MAP7: variants seen among roughly 807,000 people sequenced by gnomAD.
MAP7 encodes the protein microtubule associated protein 7, also known as ensconsin.
Under a neutral mutation model 94.8 loss-of-function variants are expected in MAP7, and 52 were observed. The ratio of observed to expected loss-of-function variants is 0.55; its 90% CI spans 0.44 to 0.69. The LOEUF is 0.69. Among genes scored for constraint, MAP7 ranks in the 30% least tolerant of loss-of-function variants. MAP7 has a pLI of 0.00. For synonymous variants in MAP7, 350 were observed against 357.0 expected (o/e 0.98, Z 0.22); for missense variants, 940 against 964.6 (o/e 0.97, Z 0.34).
chr6:136,537,754 G>A (rs564660403), intron 1 of MAP7, among the ~76,000 whole-genome samples: 101 of 152,082 alleles, frequency 6.6e-4, no homozygotes, highest in African/African-American at 2.3e-3. Flanking sequence ...CCCATCTGAG[G>A]AAATGACATA....
intron 16 of MAP7, among the ~76,000 whole-genome samples, chr6:136,348,094 T>C (rs1170888629): frequency 1.3e-5 from 2 of 150,228 alleles, no homozygotes; most frequent in Non-Finnish European, 3.0e-5. Context: ...CATCTTCCTG[T>C]TCTTGCCTAA....
At chr6:136,415,703 C>G (rs891119363) in intron 2 of MAP7, among the ~76,000 whole-genome samples, 4 of 152,226 alleles carry the variant, frequency 2.6e-5, no homozygotes, top group African/African-American at 7.2e-5. Context: ...ATGTAACAAA[C>G]TGCGTCCTGT....
At position 136,421,747 on chromosome 6, in the gene MAP7, G is replaced by C. The variant is rs1231438274; in HGVS notation, c.120C>G (p.Ala40=). 1.2e-6 allele frequency: 2 copies of C among 1,613,956 alleles called. No homozygotes were observed. The highest frequency in any genetic ancestry group is 1.7e-6 in the Non-Finnish European group (2 of 1,180,004). The change falls in exon 2 of 18, where the codon GCC becomes GCG. Residue 40 remains alanine (A), a synonymous_variant. Coordinates refer to ENST00000354570, the MANE Select transcript of MAP7 (RefSeq NM_003980.6). The stretch of plus-strand genomic sequence containing the variant: ...TGTTATTTTGTCCTGAAATTGCAGA[G>C]GCAGGGCGGCTGGAGGCATTTTTCT... ...QDKKNASSRP[A]SAISGQNNNH...
At chr6:136,467,452 A>G (rs917986177) in intron 1 of MAP7, among the ~76,000 whole-genome samples, 2 of 152,212 alleles carry the variant, frequency 1.3e-5, no homozygotes, top group African/African-American at 4.8e-5. Flanking sequence ...AGAAAGTCCA[A>G]AAACTTGACT....
intron 1 of MAP7, among the ~76,000 whole-genome samples, chr6:136,466,371 G>A (rs561374054): frequency 1.3e-5 from 2 of 151,704 alleles, no homozygotes; most frequent in East Asian, 3.9e-4. Context: ...AATTTTTTTT[G>A]GACAGCAGCA....
At chr6:136,441,537 T>C (rs1001122197) in intron 1 of MAP7, among the ~76,000 whole-genome samples, 1 of 152,236 alleles carries the variant, frequency 6.6e-6, no homozygotes, top group Non-Finnish European at 1.5e-5. Context: ...TTTCAGCATA[T>C]AGGTAGCTAT....
At chr6:136,492,855 A>G (rs1817031934) in intron 1 of MAP7, among the ~76,000 whole-genome samples, 1 of 152,150 alleles carries the variant, frequency 6.6e-6, no homozygotes, top group Admixed American at 6.6e-5. Context: ...TAAATAAAGT[A>G]CTTAATGTCT....
At chr6:136,366,613 G>A (rs1794395611) in intron 8 of MAP7, among the ~76,000 whole-genome samples, 174 bp from the exon 9 acceptor site, 1 of 152,182 alleles carries the variant, frequency 6.6e-6, no homozygotes, top group Non-Finnish European at 1.5e-5. Flanking sequence ...ACACTGAACA[G>A]TATAACTGAA....
chr6:136,348,736 A>G (rs892264353), intron 16 of MAP7, among the ~76,000 whole-genome samples: 10 of 152,212 alleles, frequency 6.6e-5, no homozygotes, highest in African/African-American at 2.4e-4. Flanking sequence ...TCCTGTGTGA[A>G]CAATAGGGGC....
At chr6:136,532,886 C>T (rs1305575318) in intron 1 of MAP7, among the ~76,000 whole-genome samples, 1 of 152,228 alleles carries the variant, frequency 6.6e-6, no homozygotes, top group Non-Finnish European at 1.5e-5. Context: ...ATCACAGAAA[C>T]AACTGAACCT....
chr6:136,354,490 A>G (rs1349678843), intron 16 of MAP7, among the ~76,000 whole-genome samples: 2 of 147,376 alleles, frequency 1.4e-5, no homozygotes, highest in Non-Finnish European at 3.0e-5. Flanking sequence ...ATATACATAT[A>G]TATATTTCCT....
chr6:136,530,145 TCCC>T (rs1828361297), intron 1 of MAP7, among the ~76,000 whole-genome samples: 1 of 152,080 alleles, frequency 6.6e-6, no homozygotes, highest in Non-Finnish European at 1.5e-5. Context: ...ACCTAAAATT[TCCC>T]TTTCTAAAAG....
At chr6:136,477,321 C>G (rs2128954702) in intron 1 of MAP7, among the ~76,000 whole-genome samples, 1 of 152,260 alleles carries the variant, frequency 6.6e-6, no homozygotes, top group South Asian at 2.1e-4. Flanking sequence ...AAACAACTGC[C>G]CTTGAATGCT....
intron 1 of MAP7, among the ~76,000 whole-genome samples, chr6:136,442,471 T>C (rs910270211): frequency 3.3e-5 from 5 of 152,002 alleles, no homozygotes; most frequent in African/African-American, 1.2e-4. Flanking sequence ...TCAAAGCCCT[T>C]CTGTTTAAAA....
rs911079633 is a variant in MAP7, at chr6:136,369,451, G to A, written c.877-3012C>T. On this transcript the variant is annotated intron_variant, in intron 8 of 17. Coordinates refer to ENST00000354570, the MANE Select transcript of MAP7 (RefSeq NM_003980.6). ...TAGATGGGCGTGGTAGCACATGCCT[G>A]TATTCCCAGCTACTCAGAAGGCTGG... Among the ~76,000 whole-genome samples the A allele has an allele frequency of 6.6e-5, 10 of 152,088 alleles. No homozygotes were observed. The South Asian group carries it at 2.1e-3, about 32-fold the overall frequency.
chr6:136,389,592 C>T (rs1268169465), intron 3 of MAP7, 75 bp from the exon 4 acceptor site: 3 of 1,392,388 alleles, frequency 2.2e-6, no homozygotes, highest in Non-Finnish European at 3.0e-6. Context: ...ATAGTTAGGG[C>T]TGTATTAAGT....
intron 1 of MAP7, among the ~76,000 whole-genome samples, chr6:136,546,002 T>C (rs184003709): frequency 6.6e-6 from 1 of 152,188 alleles, no homozygotes; most frequent in African/African-American, 2.4e-5. Flanking sequence ...TTTGTTACTA[T>C]TCTTATTCTT....
intron 3 of MAP7, among the ~76,000 whole-genome samples, chr6:136,393,634 GTATC>G (rs1781418865): frequency 1.3e-5 from 2 of 151,874 alleles, no homozygotes; most frequent in African/African-American, 2.4e-5. Flanking sequence ...TTCTATCTAT[GTATC>G]TATCTATTTA....
chr6:136,496,832 T>C (rs1375387626), intron 1 of MAP7, among the ~76,000 whole-genome samples: 1 of 147,786 alleles, frequency 6.8e-6, no homozygotes, highest in Non-Finnish European at 1.5e-5. Flanking sequence ...CACATGCCTG[T>C]AATTCCAGCT....
Sources: allele counts gnomAD v4.1 joint callset (sites outside exome capture counted in the v4.1 genomes callset), GRCh38; gene constraint gnomAD v4.1.1; transcripts MANE v1.5; gene names NCBI Gene and HGNC (gene_info 2026-07-23, HGNC 2026-07-21).